Variants in LUC7L observed in about 807,000 individuals in gnomAD.
The protein encoded by LUC7L is putative RNA-binding protein Luc7-like 1.
In LUC7L, 29 loss-of-function variants were observed where a neutral mutation model predicts 51.1. The ratio of observed to expected loss-of-function variants is 0.57; its 90% CI spans 0.42 to 0.77. The LOEUF is 0.77. LUC7L is among the 30% of genes least tolerant of loss of function. The probability of loss-of-function intolerance (pLI) is 0.00; values close to 1 mark genes in which losing one functional copy is unlikely to be tolerated. For missense variants in LUC7L, 403 were observed against 511.9 expected (o/e 0.79, Z 2.05); for synonymous variants, 181 against 180.7 (o/e 1.00, Z -0.01).
intron 6 of LUC7L, among the ~76,000 whole-genome samples, chr16:197,804 C>T (rs1025430876): frequency 2.6e-5 from 4 of 152,104 alleles, no homozygotes; most frequent in Non-Finnish European, 4.4e-5. Context: ...GTCAGCGACA[C>T]GTCTGTCCCT....
chr16:205,074 C>G (rs2049444793), intron 5 of LUC7L, among the ~76,000 whole-genome samples: 1 of 152,220 alleles, frequency 6.6e-6, no homozygotes, highest in Non-Finnish European at 1.5e-5. Flanking sequence ...GTACCTATTA[C>G]AGTTATTCTT....
chr16:199,353 T>TA (rs1340658922), intron 5 of LUC7L, 115 bp from the exon 6 acceptor site: 5 of 674,068 alleles, frequency 7.4e-6, no homozygotes, highest in Non-Finnish European at 1.2e-5. Context: ...AAACAAATAT[T>TA]AAAAAAACAC....
chr16:220,744 T>C lies in LUC7L; in HGVS notation c.160A>G (p.Met54Val), dbSNP rs1402177902. The stretch of plus-strand genomic sequence containing the variant: ...ATTTTGGTACATTCTCCTAAATCCA[T>C]GCGCTGTGGGAAAGAAACAGAAAAT... ...CPHDILAGTR[M>V]DLGECTKIHD... Residue 54 changes from methionine to valine, a missense_variant, in exon 3 of 10, where the codon ATG becomes GTG. Met to Val is a conservative substitution (Grantham distance 21). Coordinates refer to ENST00000293872, the MANE Select transcript of LUC7L (RefSeq NM_201412.3). The C allele has an allele frequency of 6.2e-6, 10 of 1,612,130 alleles. No individual in the cohort carries two copies. The highest frequency in any genetic ancestry group is 1.1e-5 in the South Asian group (1 of 90,866).
intron 2 of LUC7L, among the ~76,000 whole-genome samples, chr16:224,624 G>GT (rs2050073769): frequency 6.6e-6 from 1 of 151,798 alleles, no homozygotes; most frequent in Non-Finnish European, 1.5e-5. Flanking sequence ...GAAGTCAGGA[G>GT]TTTGAGACCA....
chr16:227,984 T>C (rs1269047500), intron 1 of LUC7L: 1 of 1,098,834 alleles, frequency 9.1e-7, no homozygotes, highest in African/African-American at 1.7e-5. Context: ...ACACATACTG[T>C]ACCCATCTGC....
chr16:198,812 G>A (rs564387437), intron 6 of LUC7L, among the ~76,000 whole-genome samples: 101 of 151,722 alleles, frequency 6.7e-4, no homozygotes, highest in African/African-American at 2.4e-3. Context: ...CCAGCCTCCC[G>A]AGTACCTAAG....
intron 2 of LUC7L, among the ~76,000 whole-genome samples, chr16:221,935 G>C (rs185102991): frequency 1.3e-5 from 2 of 152,112 alleles, no homozygotes; most frequent in Admixed American, 6.6e-5. Context: ...AGGCTGGTTC[G>C]TAGCCAAATA....
At chr16:221,886 T>C (rs117166531) in intron 2 of LUC7L, among the ~76,000 whole-genome samples, 1 of 152,296 alleles carries the variant, frequency 6.6e-6, no homozygotes, top group East Asian at 1.9e-4. Context: ...CACTTGGCTT[T>C]GTGTAGCTGA....
chr16:220,794 T>C (rs747163717), intron 2 of LUC7L, 47 bp from the exon 3 acceptor site: 2 of 1,275,342 alleles, frequency 1.6e-6, no homozygotes, highest in East Asian at 4.6e-5. Flanking sequence ...CTACCTACTG[T>C]AGAAAGCACA....
At chr16:203,015 GT>G (rs1219119888) in intron 5 of LUC7L, among the ~76,000 whole-genome samples, 2 of 152,220 alleles carry the variant, frequency 1.3e-5, no homozygotes, top group African/African-American at 4.8e-5. Flanking sequence ...GCTGGGCATG[GT>G]GGCAGGCACC....
intron 4 of LUC7L, among the ~76,000 whole-genome samples, chr16:206,637 T>C (rs2049490478): frequency 2.0e-5 from 3 of 152,170 alleles, no homozygotes; most frequent in Admixed American, 2.0e-4. Context: ...AGAAGAGTGA[T>C]GTAAATGGCA....
chr16:212,905 G>A (rs2049684930), intron 3 of LUC7L, among the ~76,000 whole-genome samples: 1 of 151,732 alleles, frequency 6.6e-6, no homozygotes, highest in Non-Finnish European at 1.5e-5. Flanking sequence ...AGCCTCCAAA[G>A]CAGGTAGGAC....
intron 3 of LUC7L, among the ~76,000 whole-genome samples, chr16:211,162 C>A (rs1055349331): frequency 4.6e-5 from 7 of 151,958 alleles, no homozygotes; most frequent in African/African-American, 1.7e-4. Flanking sequence ...GAAACCCCAT[C>A]TCTACTAAAA....
intron 6 of LUC7L, among the ~76,000 whole-genome samples, chr16:196,727 T>C (rs1032877711): frequency 6.6e-6 from 1 of 151,744 alleles, no homozygotes; most frequent in African/African-American, 2.4e-5. Context: ...AGGGTTTTGC[T>C]ATGTTGGCCA....
At chr16:220,378 A>C in intron 3 of LUC7L, 1 of 298,680 alleles carries the variant, frequency 3.3e-6, no homozygotes, top group Non-Finnish European at 6.2e-6. Context: ...CTAAGCAAAA[A>C]TAAACACTGT....
intron 5 of LUC7L, among the ~76,000 whole-genome samples, chr16:204,274 T>A (rs1596629313): frequency 7.8e-6 from 1 of 128,552 alleles, no homozygotes; most frequent in South Asian, 2.4e-4. Context: ...TGAAACCCCA[T>A]CCCTACTAGA....
At chr16:228,143 G>A in intron 1 of LUC7L, 3 of 1,142,116 alleles carry the variant, frequency 2.6e-6, no homozygotes, top group Non-Finnish European at 3.3e-6. Flanking sequence ...TTTAAAGCTA[G>A]TCTGTGTATA....
chr16:204,593 C>CA (rs538652126), intron 5 of LUC7L, among the ~76,000 whole-genome samples: 1,842 of 104,024 alleles, frequency 0.018, 20 homozygotes, highest in African/African-American at 0.052. Context: ...GACTCCATCT[C>CA]AAAAAAAAAA....
chr16:190,940 G>C (rs2048994628), intron 7 of LUC7L: 1 of 180,020 alleles, frequency 5.6e-6, no homozygotes, highest in Admixed American at 6.0e-5. Context: ...CACCCTCTTG[G>C]GGGAGGACTC....
Sources: gnomAD v4.1 joint callset for allele counts (sites outside exome capture counted in the v4.1 genomes callset) on GRCh38, gnomAD v4.1.1 for gene constraint, MANE v1.5 for transcripts, NCBI Gene and HGNC (gene_info 2026-07-23, HGNC 2026-07-21) for gene names.